The following TSPEAR variants were observed in gnomAD, a reference collection of about 807,000 sequenced individuals.
TSPEAR encodes thrombospondin type laminin G domain and EAR repeats, also known as thrombospondin-type laminin G domain and EAR repeat-containing protein.
TSPEAR carries 69 observed loss-of-function variants against 71.6 expected under a neutral mutation model. That is an observed-to-expected ratio of 0.96 (90% CI 0.79 to 1.18). The LOEUF (loss-of-function observed/expected upper bound fraction) is 1.18, where lower values mean the gene tolerates loss of function less well. TSPEAR is among the 50% of genes most tolerant of loss of function. The pLI, the probability that TSPEAR is intolerant of heterozygous loss-of-function variation, is 0.00. For missense variants in TSPEAR, 971 were observed against 894.9 expected, an observed-to-expected ratio of 1.09 and a Z score of -1.09; for synonymous variants, 402 against 387.2, an observed-to-expected ratio of 1.04 and a Z score of -0.45.
chr21:44,667,820 G>T (rs1431503869), intron 1 of TSPEAR, among the ~76,000 whole-genome samples: 1 of 152,176 alleles, frequency 6.6e-6, no homozygotes, highest in Non-Finnish European at 1.5e-5. Context: ...AAAACCACGT[G>T]ATCATCTCAA....
intron 1 of TSPEAR, among the ~76,000 whole-genome samples, chr21:44,659,054 A>C (rs1228178439): frequency 6.6e-6 from 1 of 152,156 alleles, no homozygotes; most frequent in Non-Finnish European, 1.5e-5. Flanking sequence ...AGAAAGTCTC[A>C]TTCTCCAAGT....
intron 1 of TSPEAR, chr21:44,657,994 C>G: frequency 6.2e-7 from 1 of 1,613,416 alleles, no homozygotes; most frequent in South Asian, 1.1e-5. Context: ...GCCACACCAG[C>G]TGCTCCCCAG....
intron 1 of TSPEAR, among the ~76,000 whole-genome samples, chr21:44,649,597 C>T (rs1029859699): frequency 6.6e-6 from 1 of 152,220 alleles, no homozygotes; most frequent in African/African-American, 2.4e-5. Flanking sequence ...ACCAAGCTGG[C>T]TCTGTCGGGG....
At chr21:44,628,113 C>A in intron 1 of TSPEAR, 1 of 1,550,892 alleles carries the variant, frequency 6.4e-7, no homozygotes, top group East Asian at 2.2e-5. Flanking sequence ...CTTGGACCTC[C>A]CAGCCCACCC....
rs199622339 is a variant in TSPEAR at position 44,682,077 on chromosome 21, G to A, written c.82+29356C>T. On this transcript the variant is annotated intron_variant, in intron 1 of 11. Coordinates refer to ENST00000323084, the MANE Select transcript of TSPEAR (RefSeq NM_144991.3). ...ACAGGATGCCTGGCAGGGGCTGGGC[G>A]CGCAGCAGGCTGGCTGGCAGCCCGA... 3.2e-4 allele frequency: 509 copies of A among 1,613,970 alleles called. 1 individual carries two copies. Among genetic ancestry groups the A allele is most frequent in the African/African-American group, 2.2e-3 (167 of 75,048 alleles).
At chr21:44,669,163 G>A (rs587775324) in intron 1 of TSPEAR, among the ~76,000 whole-genome samples, 10 of 152,294 alleles carry the variant, frequency 6.6e-5, no homozygotes, top group Middle Eastern at 6.8e-3. Flanking sequence ...GGTGGCTCAC[G>A]CCTGTAATCC....
At chr21:44,599,694 A>G (rs1475071544) in intron 1 of TSPEAR, among the ~76,000 whole-genome samples, 2 of 152,268 alleles carry the variant, frequency 1.3e-5, no homozygotes, top group Non-Finnish European at 2.9e-5. Flanking sequence ...TTTAGCAGAA[A>G]CAACCAAAAA....
rs1394186341 is a variant in TSPEAR, at chr21:44,710,684, G to A, written c.82+749C>T. On this transcript the variant is annotated intron_variant, in intron 1 of 11. Transcript: ENST00000323084. This position sits in a 1 kb window ranked among gnomAD's most constrained non-coding sequence, Gnocchi z 4.6. ...CACTAATTTACTGTCCAGTAACTGA[G>A]TTTCTAGCGACCAGGTCTAGTTGTC... 2.0e-5 allele frequency among the ~76,000 whole-genome samples: 3 copies of A among 152,210 alleles called. No individual in the cohort carries two copies. Among genetic ancestry groups the A allele is most frequent in the Admixed American group, 6.5e-5 (1 of 15,286 alleles).
Position 44,710,002 on chromosome 21 carries a change from A to G in TSPEAR, c.82+1431T>C, listed in dbSNP as rs1036515487. Among the ~76,000 whole-genome samples the G allele has an allele frequency of 1.3e-4, 20 of 152,096 alleles. No homozygotes were observed. Among genetic ancestry groups the G allele is most frequent in the African/African-American group, 4.8e-4 (20 of 41,390 alleles). On this transcript the variant is annotated intron_variant, in intron 1 of 11. Transcript: ENST00000323084. The surrounding 1 kb of genome is among the most constrained non-coding windows in gnomAD (Gnocchi z 4.6). ...GGGGAGGGCTTTATAAATAACCTGT[A>G]TTATTATTATGCAGGTTGATTCTGT...
At chr21:44,568,200 TC>T (rs1441070536) in intron 1 of TSPEAR, among the ~76,000 whole-genome samples, 195 bp from the exon 2 acceptor site, 1 of 151,984 alleles carries the variant, frequency 6.6e-6, no homozygotes, top group Non-Finnish European at 1.5e-5. Context: ...CCGTGTGGCC[TC>T]CCCCCACCCC....
At chr21:44,668,059 A>G (rs987866436) in intron 1 of TSPEAR, among the ~76,000 whole-genome samples, 5 of 152,226 alleles carry the variant, frequency 3.3e-5, no homozygotes, top group Non-Finnish European at 7.3e-5. Context: ...AATTGTTTTT[A>G]AAAGGAAGAA....
rs180855850 is a variant in TSPEAR at position 44,551,426 on chromosome 21, G to A, written c.303+16359C>T. 6.1e-4 allele frequency: 981 copies of A among 1,613,040 alleles called. 5 individuals carry two copies. The African/African-American group carries it at 0.011, about 19-fold the overall frequency. On this transcript the variant is annotated intron_variant, in intron 2 of 11. Transcript: ENST00000323084. ...CCACCTGCCAGGAGTTGGTGCAGGCGCTGGAGCAGATGGACATGGTGGAGG... is the reference window on the plus strand; with the variant it reads ...CCACCTGCCAGGAGTTGGTGCAGGCACTGGAGCAGATGGACATGGTGGAGG...
chr21:44,676,562 G>A, intron 1 of TSPEAR: 1 of 727,282 alleles, frequency 1.4e-6, no homozygotes, highest in Non-Finnish European at 2.5e-6. Context: ...TCTTGACTTA[G>A]ATGATGAAAC....
chr21:44,602,018 A>C, intron 1 of TSPEAR: 1 of 552,220 alleles, frequency 1.8e-6, no homozygotes, highest in East Asian at 3.1e-5. Flanking sequence ...GTGGGGAGAA[A>C]TGAGGGTAGA....
At chr21:44,699,066 C>A (rs529016790) in intron 1 of TSPEAR, among the ~76,000 whole-genome samples, 20 of 152,224 alleles carry the variant, frequency 1.3e-4, no homozygotes, top group Admixed American at 1.3e-3. Context: ...GGCATCATGG[C>A]ACGCGCCTGT....
chr21:44,597,171 A>C (rs1230428323), intron 1 of TSPEAR, among the ~76,000 whole-genome samples: 4 of 152,006 alleles, frequency 2.6e-5, no homozygotes, highest in African/African-American at 4.8e-5. Flanking sequence ...AAAAAATTAA[A>C]AAACAGTTTT....
At position 44,711,456 on chromosome 21, in the gene TSPEAR, G is replaced by A. The variant is rs145515750; in HGVS notation, c.59C>T (p.Thr20Met). Residue 20 changes from threonine to methionine, a missense_variant, in exon 1 of 12, where the codon ACG becomes ATG. Transcript: ENST00000323084. This position sits in a 1 kb window ranked among gnomAD's most constrained non-coding sequence, Gnocchi z 4.5. ...VLPLAAPGHG[T>M]QGWEPCTDLR... is the part of the protein sequence containing the mutation. ...ACCTGTGCAGGGCTCCCAACCCTGC[G>A]TGCCGTGGCCGGGGGCCGCCAGGGG... The A allele has an allele frequency of 3.7e-6, 6 of 1,610,334 alleles. No homozygotes were observed. Among genetic ancestry groups the A allele is most frequent in the Middle Eastern group, 1.7e-4 (1 of 6,052 alleles).
intron 1 of TSPEAR, among the ~76,000 whole-genome samples, chr21:44,709,420 C>T (rs868947431): frequency 3.9e-4 from 59 of 152,362 alleles, no homozygotes; most frequent in African/African-American, 1.3e-3. Context: ...AAAATCCCAG[C>T]CCACAACTTC....
chr21:44,532,125 G>A (rs587727108), intron 3 of TSPEAR, among the ~76,000 whole-genome samples: 11 of 152,346 alleles, frequency 7.2e-5, no homozygotes, highest in African/African-American at 2.6e-4. Flanking sequence ...GTAGCAGCCT[G>A]CCAAGGGGTT....
Sources: gnomAD v4.1 joint callset for allele counts (sites outside exome capture counted in the v4.1 genomes callset) on GRCh38, gnomAD v4.1.1 for gene constraint, Gnocchi (gnomAD v3.1) non-coding constraint, MANE v1.5 for transcripts, NCBI Gene and HGNC (gene_info 2026-07-23, HGNC 2026-07-21) for gene names.